The following SPMIP4 variants were observed in gnomAD, a reference collection of about 807,000 sequenced individuals.
SPMIP4 encodes the protein sperm microtubule inner protein 4.
the SPMIP4 span, among the ~76,000 whole-genome samples, chr7:25,156,205 A>T: frequency 6.6e-6 from 1 of 152,154 alleles, no homozygotes; most frequent in East Asian, 1.9e-4. Flanking sequence ...TGATGCATCT[A>T]CAAGCCAAGG....
chr7:25,169,262 A>T, the SPMIP4 span, among the ~76,000 whole-genome samples: 1 of 152,106 alleles, frequency 6.6e-6, no homozygotes, highest in Non-Finnish European at 1.5e-5. Flanking sequence ...AATAAAGTGT[A>T]TAATTCAATG....
At chr7:25,179,382 G>T in the SPMIP4 span, 1 of 1,532,736 alleles carries the variant, frequency 6.5e-7, no homozygotes, top group South Asian at 1.2e-5. Flanking sequence ...AAGGCAGGCA[G>T]AAAACACATT....
the SPMIP4 span, among the ~76,000 whole-genome samples, chr7:25,165,786 T>G: frequency 2.6e-5 from 4 of 152,362 alleles, no homozygotes; most frequent in Admixed American, 6.5e-5. Context: ...ATTTCCTAGG[T>G]GATGCCGATG....
chr7:25,139,715 A>G, the SPMIP4 span, among the ~76,000 whole-genome samples: 2 of 152,214 alleles, frequency 1.3e-5, no homozygotes, highest in Admixed American at 1.3e-4. Context: ...GTGCTTTGTT[A>G]AATTTGTCAT....
the SPMIP4 span, among the ~76,000 whole-genome samples, chr7:25,169,731 C>T: frequency 6.6e-6 from 1 of 152,062 alleles, no homozygotes; most frequent in African/African-American, 2.4e-5. Flanking sequence ...CCCACCACCA[C>T]GCCTGGCTAA....
chr7:25,171,762 G>A, the SPMIP4 span, among the ~76,000 whole-genome samples: 1 of 152,050 alleles, frequency 6.6e-6, no homozygotes, highest in Non-Finnish European at 1.5e-5. Flanking sequence ...ATGGAAATCA[G>A]CCAAGTGAGG....
At chr7:25,158,885 C>T in the SPMIP4 span, among the ~76,000 whole-genome samples, 1 of 151,668 alleles carries the variant, frequency 6.6e-6, no homozygotes, top group Non-Finnish European at 1.5e-5. Flanking sequence ...TAATGATATA[C>T]CCCATTTTCA....
At chr7:25,160,508 A>G in the SPMIP4 span, among the ~76,000 whole-genome samples, 1 of 152,186 alleles carries the variant, frequency 6.6e-6, no homozygotes, top group Non-Finnish European at 1.5e-5. Flanking sequence ...CATGTTGGCC[A>G]GGCTGGTCTT....
the SPMIP4 span, among the ~76,000 whole-genome samples, chr7:25,158,802 C>T: frequency 6.6e-6 from 1 of 150,946 alleles, no homozygotes; most frequent in Non-Finnish European, 1.5e-5. Flanking sequence ...CCCAGCTACT[C>T]AGGATTACCC....
At chr7:25,150,502 A>G in the SPMIP4 span, among the ~76,000 whole-genome samples, 1 of 152,198 alleles carries the variant, frequency 6.6e-6, no homozygotes, top group Non-Finnish European at 1.5e-5. Flanking sequence ...TTGCCAGGTA[A>G]AATTCAAATG....
At chr7:25,153,229 G>A in the SPMIP4 span, among the ~76,000 whole-genome samples, 3 of 152,108 alleles carry the variant, frequency 2.0e-5, no homozygotes, top group Non-Finnish European at 4.4e-5. Context: ...AAATTAAGAT[G>A]ACAACTTGTT....
At chr7:25,178,631 G>A in the SPMIP4 span, among the ~76,000 whole-genome samples, 1 of 152,198 alleles carries the variant, frequency 6.6e-6, no homozygotes, top group African/African-American at 2.4e-5. Context: ...AGAATGTAGT[G>A]GATGAATTTG....
the SPMIP4 span, among the ~76,000 whole-genome samples, chr7:25,165,613 G>C: frequency 1.3e-5 from 2 of 152,200 alleles, no homozygotes; most frequent in Non-Finnish European, 2.9e-5. Flanking sequence ...CTCCCAAGGT[G>C]CTGGGATTAC....
chr7:25,171,694 T>G, the SPMIP4 span, among the ~76,000 whole-genome samples: 180 of 152,348 alleles, frequency 1.2e-3, no homozygotes, highest in African/African-American at 4.3e-3. Flanking sequence ...AAGCCACTTC[T>G]GCCCTTAGGG....
At chr7:25,176,335 T>C in the SPMIP4 span, among the ~76,000 whole-genome samples, 10 of 152,214 alleles carry the variant, frequency 6.6e-5, no homozygotes, top group Non-Finnish European at 1.5e-4. This position sits in a 1 kb window ranked among gnomAD's most constrained non-coding sequence, Gnocchi z 4.4. Flanking sequence ...CTCACATTGC[T>C]GTTTTTGAGC....
chr7:25,159,649 T>C, the SPMIP4 span, among the ~76,000 whole-genome samples: 2 of 152,232 alleles, frequency 1.3e-5, no homozygotes, highest in Non-Finnish European at 2.9e-5. Context: ...GTAAGCCATA[T>C]AAATTTATTA....
At chr7:25,139,747 T>C in the SPMIP4 span, among the ~76,000 whole-genome samples, 1 of 152,240 alleles carries the variant, frequency 6.6e-6, no homozygotes, top group South Asian at 2.1e-4. Flanking sequence ...GGACTTATCA[T>C]ATTGTACTTT....
the SPMIP4 span, among the ~76,000 whole-genome samples, chr7:25,126,423 C>A: frequency 2.0e-5 from 3 of 151,956 alleles, no homozygotes; most frequent in South Asian, 2.1e-4. Context: ...GTGATTCACC[C>A]GCATCGGCCT....
chr7:25,176,611 C>T, the SPMIP4 span, among the ~76,000 whole-genome samples: 1 of 152,116 alleles, frequency 6.6e-6, no homozygotes, highest in Admixed American at 6.6e-5. This position sits in a 1 kb window ranked among gnomAD's most constrained non-coding sequence, Gnocchi z 4.4. Flanking sequence ...TGAATATGAT[C>T]TTTACATTTA....
Sources: gnomAD v4.1 joint callset for allele counts (sites outside exome capture counted in the v4.1 genomes callset) on GRCh38, gnomAD v4.1.1 for gene constraint, Gnocchi (gnomAD v3.1) non-coding constraint, MANE v1.5 for transcripts, NCBI Gene and HGNC (gene_info 2026-07-23, HGNC 2026-07-21) for gene names.